The following GDAP1 variants were observed in gnomAD, a reference collection of about 807,000 sequenced individuals.
GDAP1 encodes ganglioside induced differentiation associated protein 1, also known as ganglioside-induced differentiation-associated protein 1.
Under a neutral mutation model 40.1 loss-of-function variants are expected in GDAP1, and 34 were observed. That is an observed-to-expected ratio of 0.85 (90% CI 0.64 to 1.13). The LOEUF (loss-of-function observed/expected upper bound fraction) is 1.13, where lower values mean the gene tolerates loss of function less well. Ranked by LOEUF, GDAP1 falls within the 50% of genes most tolerant of loss-of-function variation. The pLI is 0.00. For missense variants in GDAP1, 374 were observed against 433.7 expected (o/e 0.86, Z 1.22); for synonymous variants, 170 against 157.4 (o/e 1.08, Z -0.60).
chr8:74,416,677 G>A (rs1805783143), intron 2 of GDAP1, among the ~76,000 whole-genome samples: 1 of 149,914 alleles, frequency 6.7e-6, no homozygotes, highest in Non-Finnish European at 1.5e-5. Context: ...TTGAGGACAG[G>A]TCACATCATT....
intron 2 of GDAP1, among the ~76,000 whole-genome samples, chr8:74,433,094 G>C (rs1399293833): frequency 6.6e-6 from 1 of 152,150 alleles, no homozygotes; most frequent in African/African-American, 2.4e-5. Context: ...TCTGCTTCCA[G>C]ATCCTTCCGT....
intron 2 of GDAP1, among the ~76,000 whole-genome samples, chr8:74,435,898 C>T (rs1168212085): frequency 1.3e-5 from 2 of 152,160 alleles, no homozygotes; most frequent in Non-Finnish European, 2.9e-5. Flanking sequence ...GGAGAAAGTA[C>T]TCCAACTTGT....
intron 2 of GDAP1, among the ~76,000 whole-genome samples, chr8:74,456,859 A>G (rs1806341895): frequency 6.6e-6 from 1 of 152,058 alleles, no homozygotes; most frequent in South Asian, 2.1e-4. Flanking sequence ...GATGAAGTTG[A>G]AAATATGTAA....
intron 2 of GDAP1, among the ~76,000 whole-genome samples, chr8:74,386,694 T>G (rs570829149): frequency 4.9e-4 from 74 of 152,344 alleles, no homozygotes; most frequent in African/African-American, 1.7e-3. Flanking sequence ...ATATGAAATT[T>G]AAAGTAGTTT....
In GDAP1 at chr8:74,406,443, A is replaced by G. The variant is rs1249608837; in HGVS notation, c.165+55122A>G. On this transcript the variant is annotated intron_variant, in intron 2 of 2. Coordinates refer to the GDAP1 transcript ENST00000523640. ...CACTTCTAACAGGACCGGCATTAACATAATACTCTGTGATACCAAGAAAAT... is the reference window on the plus strand; with the variant it reads ...CACTTCTAACAGGACCGGCATTAACGTAATACTCTGTGATACCAAGAAAAT... 4.0e-5 allele frequency among the ~76,000 whole-genome samples: 6 copies of G among 150,332 alleles called. 2 individuals carry two copies. Among genetic ancestry groups the G allele is most frequent in the African/African-American group, 1.5e-4 (6 of 39,642 alleles).
chr8:74,480,111 C>T (rs1159712551), intron 2 of GDAP1, among the ~76,000 whole-genome samples: 3 of 151,744 alleles, frequency 2.0e-5, no homozygotes, highest in Non-Finnish European at 2.9e-5. Flanking sequence ...GCTTTAGCCT[C>T]CCGAGTAGCT....
At chr8:74,425,453 G>T (rs763156379) in intron 2 of GDAP1, among the ~76,000 whole-genome samples, 5 of 152,142 alleles carry the variant, frequency 3.3e-5, no homozygotes, top group Non-Finnish European at 7.4e-5. Context: ...GACATTAAAA[G>T]GTTAACTGTG....
chr8:74,374,110 C>T (rs1809806915), intron 2 of GDAP1, among the ~76,000 whole-genome samples: 1 of 152,176 alleles, frequency 6.6e-6, no homozygotes, highest in African/African-American at 2.4e-5. Flanking sequence ...ATGAAGACCA[C>T]TTGATCATGG....
At chr8:74,390,928 G>A (rs532916837) in intron 2 of GDAP1, among the ~76,000 whole-genome samples, 126 of 152,320 alleles carry the variant, frequency 8.3e-4, no homozygotes, top group Middle Eastern at 6.8e-3. Flanking sequence ...CAGCTTTGCC[G>A]AACTGCAGTG....
At chr8:74,411,371 TG>T (rs1586826279) in intron 2 of GDAP1, among the ~76,000 whole-genome samples, 1 of 149,814 alleles carries the variant, frequency 6.7e-6, no homozygotes, top group Non-Finnish European at 1.5e-5. Context: ...CTTGATTCTG[TG>T]TAATGCTATT....
intron 2 of GDAP1, among the ~76,000 whole-genome samples, chr8:74,381,649 G>A (rs1214032283): frequency 6.6e-6 from 1 of 151,814 alleles, no homozygotes; most frequent in Non-Finnish European, 1.5e-5. Flanking sequence ...CCAGCTACTC[G>A]GGAGGCTGAG....
At chr8:74,486,785 G>A (rs1482221040) in intron 2 of GDAP1, among the ~76,000 whole-genome samples, 1 of 152,062 alleles carries the variant, frequency 6.6e-6, no homozygotes. Context: ...TCTGCCCTCG[G>A]CAGTTTCTCC....
At chr8:74,419,436 T>G (rs1219045444) in intron 2 of GDAP1, among the ~76,000 whole-genome samples, 1 of 152,156 alleles carries the variant, frequency 6.6e-6, no homozygotes, top group Non-Finnish European at 1.5e-5. Context: ...TACATTCCAT[T>G]TATATTACAT....
At chr8:74,462,412 A>G (rs1283480094) in intron 2 of GDAP1, among the ~76,000 whole-genome samples, 1 of 152,216 alleles carries the variant, frequency 6.6e-6, no homozygotes, top group African/African-American at 2.4e-5. Context: ...TAATTCAACA[A>G]ATATTGTCTG....
intron 2 of GDAP1, among the ~76,000 whole-genome samples, chr8:74,457,065 G>A (rs888360702): frequency 3.3e-5 from 5 of 152,026 alleles, no homozygotes; most frequent in Non-Finnish European, 2.9e-5. Context: ...TGGAAGCCCA[G>A]CAAAATTTAT....
In GDAP1 at chr8:74,458,661, A is replaced by G. The variant is rs1218078485; in HGVS notation, c.166-30017A>G. ...ACTAGTTCTCAAGTTGTAAGGATCC[A>G]TTTCCACAGGGATGATATACCAGGT... On this transcript the variant is annotated intron_variant, in intron 2 of 2. Transcript: ENST00000523640. Among the ~76,000 whole-genome samples the G allele has an allele frequency of 4.6e-5, 7 of 152,338 alleles. No homozygotes were observed. In the East Asian group the frequency reaches 1.3e-3, roughly 29 times the overall value.
chr8:74,463,538 T>C (rs970301111), intron 2 of GDAP1, among the ~76,000 whole-genome samples: 1 of 152,040 alleles, frequency 6.6e-6, no homozygotes, highest in East Asian at 1.9e-4. Flanking sequence ...GATCAAAGGA[T>C]TCTTGCTGCA....
intron 2 of GDAP1, among the ~76,000 whole-genome samples, chr8:74,410,462 G>A (rs184329336): frequency 2.5e-4 from 37 of 150,284 alleles, no homozygotes; most frequent in East Asian, 1.9e-4. Context: ...GTTATTTACA[G>A]TTCAGTATTA....
chr8:74,396,871 A>G (rs960763520), intron 2 of GDAP1, among the ~76,000 whole-genome samples: 1 of 152,236 alleles, frequency 6.6e-6, no homozygotes, highest in Non-Finnish European at 1.5e-5. Context: ...ATATATACCC[A>G]GTAATGGGAT....
Sources: allele counts gnomAD v4.1 joint callset (sites outside exome capture counted in the v4.1 genomes callset), GRCh38; gene constraint gnomAD v4.1.1; transcripts MANE v1.5; gene names NCBI Gene and HGNC (gene_info 2026-07-23, HGNC 2026-07-21).